SH3BGRL: variants seen among roughly 807,000 people sequenced by gnomAD.
SH3BGRL encodes SH3 domain binding glutamate rich protein like.
SH3BGRL carries 7 observed loss-of-function variants against 9.8 expected under a neutral mutation model. The ratio of observed to expected loss-of-function variants is 0.72; its 90% confidence interval spans 0.41 to 1.35. The LOEUF (loss-of-function observed/expected upper bound fraction) is 1.35. Among genes scored for constraint, SH3BGRL ranks in the 40% most tolerant of loss-of-function variants. The probability of loss-of-function intolerance (pLI) is 0.01; values close to 1 mark genes in which losing one functional copy is unlikely to be tolerated. For synonymous variants in SH3BGRL, 36 were observed against 29.1 expected (o/e 1.24, Z -0.76); for missense variants, 73 against 84.4 (o/e 0.86, Z 0.53).
intron 3 of SH3BGRL, among the ~76,000 whole-genome samples, chrX:81,283,617 A>G (rs1385104041): frequency 2.7e-5 from 3 of 111,832 alleles, no homozygotes; most frequent in African/African-American, 9.8e-5. Context: ...AAAATCCAGC[A>G]TCACTTTATG....
intron 1 of SH3BGRL, among the ~76,000 whole-genome samples, chrX:81,273,328 A>G (rs1331954949): frequency 8.9e-6 from 1 of 112,388 alleles, no homozygotes; most frequent in African/African-American, 3.2e-5. Context: ...ACAACCTTGT[A>G]TTGTTGTCTT....
chrX:81,279,202 G>C (rs2075808030), intron 3 of SH3BGRL, among the ~76,000 whole-genome samples: 1 of 112,084 alleles, frequency 8.9e-6, no homozygotes, highest in African/African-American at 3.2e-5. Flanking sequence ...TACTAGTACT[G>C]TGTTCATGTC....
chrX:81,269,729 T>A (rs2075771374), intron 1 of SH3BGRL, among the ~76,000 whole-genome samples: 2 of 110,890 alleles, frequency 1.8e-5, no homozygotes, highest in African/African-American at 6.6e-5. Context: ...ATCTTTGTGG[T>A]GTTCTCTGTA....
intron 1 of SH3BGRL, among the ~76,000 whole-genome samples, chrX:81,271,316 C>G (rs1392217914): frequency 3.6e-5 from 4 of 112,358 alleles, no homozygotes; most frequent in African/African-American, 1.3e-4. Flanking sequence ...GCAGAAATCA[C>G]TTGTCTTCTG....
chrX:81,293,179 T>G (rs1274667128), intron 3 of SH3BGRL, among the ~76,000 whole-genome samples: 2 of 112,207 alleles, frequency 1.8e-5, no homozygotes, highest in Non-Finnish European at 3.8e-5. Flanking sequence ...CTTTTGCATC[T>G]TTCTCATTTT....
chrX:81,291,535 A>G (rs2075858099), intron 3 of SH3BGRL, among the ~76,000 whole-genome samples: 2 of 111,851 alleles, frequency 1.8e-5, no homozygotes, highest in African/African-American at 6.5e-5. Context: ...GCAGAGCTGA[A>G]CCATATCATT....
intron 1 of SH3BGRL, among the ~76,000 whole-genome samples, chrX:81,263,138 G>T (rs1472043502): frequency 1.8e-5 from 2 of 109,847 alleles, no homozygotes; most frequent in Non-Finnish European, 3.9e-5. Context: ...GGAGAGAGGG[G>T]AGACTTGCAG....
chrX:81,216,792 A>G (rs1248778877), intron 1 of SH3BGRL, among the ~76,000 whole-genome samples: 1 of 111,620 alleles, frequency 9.0e-6, no homozygotes, highest in Non-Finnish European at 1.9e-5. Flanking sequence ...TTTATAACTG[A>G]GTAATACTCC....
chrX:81,256,012 GTCT>G (rs778756735), intron 1 of SH3BGRL, among the ~76,000 whole-genome samples: 7 of 112,024 alleles, frequency 6.2e-5, no homozygotes, highest in Non-Finnish European at 1.3e-4. Context: ...GGTATTATTA[GTCT>G]TCTTCATAGA....
intron 1 of SH3BGRL, among the ~76,000 whole-genome samples, chrX:81,229,150 G>A (rs375836590): frequency 9.0e-6 from 1 of 110,678 alleles, no homozygotes; most frequent in East Asian, 2.9e-4. Context: ...TTCTGAAATG[G>A]GAGAAGTTCC....
intron 1 of SH3BGRL, among the ~76,000 whole-genome samples, chrX:81,247,398 A>G (rs2075692807): frequency 1.8e-5 from 2 of 111,876 alleles, no homozygotes; most frequent in African/African-American, 6.5e-5. Context: ...TTCAAGAGAA[A>G]TGCTTCGGGT....
In SH3BGRL at chrX:81,297,109, G is replaced by T. The variant is rs1422269029; in HGVS notation, c.313-86G>T. 7 of 754,007 alleles carry T rather than the reference G, an allele frequency of 9.3e-6. No individual in the cohort carries two copies. In the East Asian group the frequency reaches 1.7e-4, roughly 18 times the overall value. 62.1% of individuals were successfully genotyped at this position (754,007 alleles called of 1,213,427 possible). A position where few individuals can be genotyped will look rare whatever the true frequency, so the allele number is the denominator to read the frequency against. ...GGGCTTTTGTTTATTCTTAGTAGTT[G>T]GAACTAATGTAGTCTGACTAAAATA... is the stretch of plus-strand genomic sequence containing the variant. On this transcript the variant is annotated intron_variant, in intron 3 of 3. Transcript: ENST00000373212.
chrX:81,242,644 T>G (rs2075674177), intron 1 of SH3BGRL, among the ~76,000 whole-genome samples: 1 of 110,687 alleles, frequency 9.0e-6, no homozygotes, highest in Non-Finnish European at 1.9e-5. Flanking sequence ...GCCCACAGAG[T>G]AGTAGACAAT....
At chrX:81,238,068 G>GGCCC (rs2075654113) in intron 1 of SH3BGRL, among the ~76,000 whole-genome samples, 2 of 109,528 alleles carry the variant, frequency 1.8e-5, no homozygotes, top group Non-Finnish European at 3.8e-5. Context: ...AGAGGCCTCA[G>GGCCC]GCCCTGAATA....
At chrX:81,209,740 C>T (rs1295910888) in intron 1 of SH3BGRL, among the ~76,000 whole-genome samples, 5 of 111,966 alleles carry the variant, frequency 4.5e-5, no homozygotes, top group Non-Finnish European at 9.4e-5. Context: ...AACCCGTACT[C>T]GAGAGTGAGA....
At chrX:81,276,257 T>C (rs1409869111) in intron 1 of SH3BGRL, among the ~76,000 whole-genome samples, 1 of 109,331 alleles carries the variant, frequency 9.1e-6, no homozygotes, top group African/African-American at 3.3e-5. Flanking sequence ...ACATGTGCCA[T>C]CTCCACCTGG....
intron 1 of SH3BGRL, among the ~76,000 whole-genome samples, chrX:81,248,642 G>A (rs1194907820): frequency 8.9e-6 from 1 of 112,529 alleles, no homozygotes; most frequent in African/African-American, 3.2e-5. Context: ...AAATGCCTGC[G>A]TGGTTGTGCC....
chrX:81,279,901 T>G (rs2075810854), intron 3 of SH3BGRL, among the ~76,000 whole-genome samples: 2 of 111,616 alleles, frequency 1.8e-5, no homozygotes, highest in South Asian at 7.5e-4. Flanking sequence ...CCAAAACCCT[T>G]TTCTTTCGCA....
intron 1 of SH3BGRL, among the ~76,000 whole-genome samples, chrX:81,224,870 T>G (rs1157660570): frequency 8.1e-5 from 9 of 110,891 alleles, no homozygotes; most frequent in African/African-American, 2.6e-4. Context: ...ACTCTGGAGT[T>G]GGGAACACTT....
Sources: allele counts gnomAD v4.1 joint callset (sites outside exome capture counted in the v4.1 genomes callset), GRCh38; gene constraint gnomAD v4.1.1; transcripts MANE v1.5; gene names NCBI Gene and HGNC (gene_info 2026-07-23, HGNC 2026-07-21).